CLCN4: variants seen among roughly 807,000 people sequenced by gnomAD.
The protein encoded by CLCN4 is Cl-/H+ antiporter 4.
CLCN4 carries 1 observed loss-of-function variant against 41.7 expected under a neutral mutation model. The observed-to-expected ratio is 0.02, with a 90% CI of 0.01 to 0.11. The LOEUF (loss-of-function observed/expected upper bound fraction) is 0.11. CLCN4 is among the 10% of genes least tolerant of loss of function. The probability of loss-of-function intolerance (pLI) is 1.00; values close to 1 mark genes in which losing one functional copy is unlikely to be tolerated. For missense variants in CLCN4, 287 were observed against 661.0 expected (o/e 0.43, Z 6.20); for synonymous variants, 277 against 285.8 (o/e 0.97, Z 0.31).
intron 11 of CLCN4, among the ~76,000 whole-genome samples, chrX:10,214,803 C>T (rs775663877): frequency 2.9e-4 from 32 of 111,632 alleles, no homozygotes; most frequent in Non-Finnish European, 5.8e-4. Context: ...AGAAGCAAGC[C>T]CATGGGCCCC....
At chrX:10,195,309 C>T (rs899484550) in intron 5 of CLCN4, among the ~76,000 whole-genome samples, 11 of 109,583 alleles carry the variant, frequency 1.0e-4, no homozygotes, top group Admixed American at 2.9e-4. Context: ...TTCATGTGCA[C>T]AATGCATATA....
rs745823868 is a variant in CLCN4 at position 10,206,795 on chromosome X, G to A, written c.843+19G>A. ...AGAAGAGGTGAGAATGGGCAGCTGA[G>A]GGAATTCGTGATTTTGAGCAGCAAG... On this transcript the variant is annotated intron_variant, in intron 8 of 12. Coordinates refer to ENST00000380833, the MANE Select transcript of CLCN4 (RefSeq NM_001830.4). 7.1e-6 allele frequency: 8 copies of A among 1,125,009 alleles called. No homozygotes were observed. Among genetic ancestry groups the A allele is most frequent in the Non-Finnish European group, 9.6e-6 (8 of 835,866 alleles). The allele number at this position is 1,125,009 out of a possible 1,213,427, so 92.7% of individuals were successfully genotyped here. A position where few individuals can be genotyped will look rare whatever the true frequency, so the allele number is the denominator to read the frequency against.
At chrX:10,198,872 G>A (rs1325670373) in intron 6 of CLCN4, among the ~76,000 whole-genome samples, 1 of 112,216 alleles carries the variant, frequency 8.9e-6, no homozygotes, top group Admixed American at 9.5e-5. Flanking sequence ...TTGGGTTGAT[G>A]CCTTAGCGAT....
chrX:10,177,162 G>A (rs753861130), intron 2 of CLCN4, among the ~76,000 whole-genome samples: 1 of 112,657 alleles, frequency 8.9e-6, no homozygotes, highest in East Asian at 2.8e-4. Context: ...AAGATGATAT[G>A]GAATTCATAT....
Position 10,193,575 on chromosome X carries a change from G to A in CLCN4, c.245-1336G>A, listed in dbSNP as rs773412136. Among the ~76,000 whole-genome samples, 57 of 111,398 alleles carry A rather than the reference G, an allele frequency of 5.1e-4. 1 individual carries two copies. The highest frequency in any genetic ancestry group is 3.0e-3 in the South Asian group (8 of 2,643). ...GAGGTGTTTCTGGAAGGGTGGAGTG[G>A]TCAACAGAGTCAGATGATGCTGAGA... On this transcript the variant is annotated intron_variant, in intron 4 of 12. Transcript: ENST00000380833.
chrX:10,222,103 A>G lies in CLCN4; in HGVS notation c.2192+1226A>G, dbSNP rs1924875675. On this transcript the variant is annotated intron_variant, in intron 12 of 12. Transcript: ENST00000380833. ...TTTTCGAAACAAACATGATTGGAGA[A>G]TGGAGAGATTTGATGGCCCCATGGC... Among the ~76,000 whole-genome samples the G allele has an allele frequency of 3.5e-5, 4 of 112,942 alleles. No homozygotes were observed. In the Admixed American group the frequency reaches 3.7e-4, roughly 11 times the overall value.
rs1923847500 is a variant in CLCN4, at chrX:10,187,628, C to T, written c.244+14C>T. On this transcript the variant is annotated intron_variant, in intron 4 of 12. Coordinates refer to ENST00000380833, the MANE Select transcript of CLCN4 (RefSeq NM_001830.4). ...GCCTGCTGGCGGGTACGTGGATGGG[C>T]ATGCGGCACTCCCGTGGGAAGCTGC... The T allele has an allele frequency of 8.6e-7, 1 of 1,165,746 alleles. No individual in the cohort carries two copies. The highest frequency in any genetic ancestry group is 1.8e-5 in the African/African-American group (1 of 56,910).
At chrX:10,199,146 C>T (rs1384280447) in intron 6 of CLCN4, among the ~76,000 whole-genome samples, 2 of 112,570 alleles carry the variant, frequency 1.8e-5, no homozygotes, top group African/African-American at 6.5e-5. Flanking sequence ...GAAAAATAAG[C>T]TGTATTACCA....
At chrX:10,178,846 C>G (rs1385815591) in intron 2 of CLCN4, among the ~76,000 whole-genome samples, 1 of 111,675 alleles carries the variant, frequency 9.0e-6, no homozygotes, top group African/African-American at 3.3e-5. Flanking sequence ...ACAACAAAAA[C>G]AAAACAAAAA....
intron 11 of CLCN4, among the ~76,000 whole-genome samples, chrX:10,216,879 A>ATGTGTGTG (rs201751237): frequency 0.14 from 3,236 of 23,802 alleles, 318 homozygotes; most frequent in Middle Eastern, 0.21. Context: ...TCTGTTGGGG[A>ATGTGTGTG]TGTGTGTGTG....
At chrX:10,225,047 G>A (rs183821712) in intron 12 of CLCN4, among the ~76,000 whole-genome samples, 131 of 111,913 alleles carry the variant, frequency 1.2e-3, no homozygotes, top group African/African-American at 3.8e-3. Flanking sequence ...GTGCTGCAGC[G>A]AACATACGTG....
At chrX:10,184,274 G>A (rs916114477) in intron 2 of CLCN4, among the ~76,000 whole-genome samples, 2 of 110,956 alleles carry the variant, frequency 1.8e-5, no homozygotes, top group Non-Finnish European at 3.8e-5. Context: ...ATCCTCATTT[G>A]CAGATTCCAT....
At chrX:10,224,655 C>T (rs764047318) in intron 12 of CLCN4, among the ~76,000 whole-genome samples, 21 of 111,323 alleles carry the variant, frequency 1.9e-4, no homozygotes, top group African/African-American at 5.2e-4. Flanking sequence ...CATAGGTAAA[C>T]GTGTGCCATG....
At chrX:10,176,287 G>A (rs1923530864) in intron 2 of CLCN4, among the ~76,000 whole-genome samples, 1 of 112,375 alleles carries the variant, frequency 8.9e-6, no homozygotes, top group East Asian at 2.8e-4. Context: ...AGCAGGGGCC[G>A]GCAAAGCACA....
At position 10,237,313 on chromosome X, in the gene CLCN4, G is replaced by A. The variant is rs751999831; in HGVS notation, c.*3729G>A. ...AATTACCACATAATTGTAATATTAT[G>A]CTTTAATTTTGTATGGGCAGTGTTC... On this transcript the variant is annotated 3_prime_UTR_variant, in exon 13 of 13. Transcript: ENST00000380833. The A allele has an allele frequency of 8.9e-6, 1 of 112,339 alleles. No individual in the cohort carries two copies. Among genetic ancestry groups the A allele is most frequent in the African/African-American group, 3.2e-5 (1 of 30,943 alleles). The allele number at this position is 112,339 out of a possible 1,213,427, so 9.3% of individuals were successfully genotyped here.
intron 5 of CLCN4, among the ~76,000 whole-genome samples, chrX:10,196,398 A>G (rs756253121): frequency 8.9e-6 from 1 of 111,919 alleles, no homozygotes; most frequent in East Asian, 2.8e-4. Flanking sequence ...CATGACTATG[A>G]GTTATTAAAG....
chrX:10,211,287 AAG>A (rs1292364328), intron 9 of CLCN4, among the ~76,000 whole-genome samples: 2 of 108,407 alleles, frequency 1.8e-5, no homozygotes, highest in East Asian at 2.9e-4. Context: ...AAAAAAAAAA[AAG>A]AAAAAAATTC....
At chrX:10,167,313 A>C (rs1326928026) in intron 2 of CLCN4, among the ~76,000 whole-genome samples, 1 of 111,705 alleles carries the variant, frequency 9.0e-6, no homozygotes, top group Non-Finnish European at 1.9e-5. Flanking sequence ...CCACCTCATC[A>C]TCCTAAAGGT....
intron 2 of CLCN4, among the ~76,000 whole-genome samples, chrX:10,176,086 C>G (rs1381728892): frequency 8.9e-6 from 1 of 111,956 alleles, no homozygotes; most frequent in Non-Finnish European, 1.9e-5. Context: ...GAAACTCATT[C>G]CTTCCCTTAA....
Sources: allele counts gnomAD v4.1 joint callset (sites outside exome capture counted in the v4.1 genomes callset), GRCh38; gene constraint gnomAD v4.1.1; transcripts MANE v1.5; gene names NCBI Gene and HGNC (gene_info 2026-07-23, HGNC 2026-07-21).